Variants in XPO4 observed in about 807,000 individuals in gnomAD.
The protein encoded by XPO4 is exportin-4.
In XPO4, 39 loss-of-function variants were observed where a neutral mutation model predicts 143.0. The observed-to-expected ratio is 0.27, with a 90% confidence interval of 0.21 to 0.36. XPO4 has a LOEUF of 0.36. XPO4 is among the 10% of genes least tolerant of loss of function. XPO4 has a pLI of 1.00. For missense variants in XPO4, 907 were observed against 1,348.0 expected (o/e 0.67, Z 5.12); for synonymous variants, 439 against 474.0 (o/e 0.93, Z 0.96).
In XPO4 at chr13:20,870,089, C is replaced by CAAAAAA. The variant is rs59710121; in HGVS notation, c.70-1394_70-1389dup. Among the ~76,000 whole-genome samples, 83 of 98,806 alleles carry CAAAAAA rather than the reference C, an allele frequency of 8.4e-4. 1 individual carries two copies. The highest frequency in any genetic ancestry group is 5.7e-3 in the South Asian group (15 of 2,624). The allele number at this position is 98,806 out of a possible 152,430, so 64.8% of individuals were successfully genotyped here. A position where few individuals can be genotyped will look rare whatever the true frequency, so the allele number is the denominator to read the frequency against. On this transcript the variant is annotated intron_variant, in intron 1 of 22. Transcript: ENST00000255305. ...CACTCTAGCCTGGGTGAAGGAGTCT[C>CAAAAAA]AAAAAAAAAAAAAAAAAAGAATTGT...
intron 14 of XPO4, 148 bp from the exon 15 acceptor site, chr13:20,800,473 T>C: frequency 1.3e-6 from 1 of 756,570 alleles, no homozygotes; most frequent in African/African-American, 1.8e-5. Flanking sequence ...TTTCCACTGG[T>C]CAAAAAAAAA....
At chr13:20,799,831 T>C (rs1484470624) in intron 15 of XPO4, among the ~76,000 whole-genome samples, 2 of 152,220 alleles carry the variant, frequency 1.3e-5, no homozygotes, top group African/African-American at 2.4e-5. Context: ...ATCTTTAAAA[T>C]GGGGATGTCT....
chr13:20,877,767 T>G (rs181980893), intron 1 of XPO4, among the ~76,000 whole-genome samples: 1 of 152,236 alleles, frequency 6.6e-6, no homozygotes, highest in South Asian at 2.1e-4. Context: ...CAATGAACAA[T>G]AGGCTAGACA....
intron 1 of XPO4, among the ~76,000 whole-genome samples, chr13:20,896,496 T>C (rs1327006601): frequency 2.0e-5 from 3 of 152,234 alleles, no homozygotes; most frequent in African/African-American, 7.2e-5. Flanking sequence ...AGTTTTTCTT[T>C]CTAACAGAAT....
chr13:20,902,599 G>T, intron 1 of XPO4, 71 bp downstream of exon 1: 1 of 1,452,608 alleles, frequency 6.9e-7, no homozygotes, highest in Non-Finnish European at 9.1e-7. Flanking sequence ...CCAGCGAGCA[G>T]CAAGGCCTGG....
intron 3 of XPO4, chr13:20,856,311 T>C: frequency 1.0e-6 from 1 of 984,876 alleles, no homozygotes. Flanking sequence ...AACATAAAAT[T>C]GTAAAACACA....
chr13:20,813,522 T>A (rs1248924821), intron 9 of XPO4, among the ~76,000 whole-genome samples: 1 of 152,208 alleles, frequency 6.6e-6, no homozygotes. Context: ...TAAATGTTGG[T>A]GAGAACATGG....
intron 9 of XPO4, among the ~76,000 whole-genome samples, chr13:20,818,122 A>G (rs1375302709): frequency 1.3e-5 from 2 of 152,262 alleles, no homozygotes; most frequent in East Asian, 3.9e-4. Flanking sequence ...TTTCATCTCC[A>G]CATTCATTCT....
rs2059099878 is a variant in XPO4 at position 20,777,331 on chromosome 13, A to C, written c.*6391T>G. 1 of 152,216 alleles carries C rather than the reference A, an allele frequency of 6.6e-6. No homozygotes were observed. Among genetic ancestry groups the C allele is most frequent in the African/African-American group, 2.4e-5 (1 of 41,462 alleles). The allele number at this position is 152,216 out of a possible 1,614,324, so 9.4% of individuals were successfully genotyped here. On this transcript the variant is annotated 3_prime_UTR_variant, in exon 23 of 23. Coordinates refer to ENST00000255305, the MANE Select transcript of XPO4 (RefSeq NM_022459.5). ...GAAATGAAATCTGTTTTCAGAAATA[A>C]TCTTTAAATACAATGGAATTTATTG...
At chr13:20,848,216 T>C in intron 4 of XPO4, 2 of 975,926 alleles carry the variant, frequency 2.0e-6, no homozygotes, top group Non-Finnish European at 2.4e-6. Flanking sequence ...CCAAATAAAA[T>C]TTATTAAAAT....
rs1355249982 is a variant in XPO4, at chr13:20,800,923, G to T, written c.1885C>A (p.Leu629Ile). 2 of 1,614,046 alleles carry T rather than the reference G, an allele frequency of 1.2e-6. No homozygotes were observed. Among genetic ancestry groups the T allele is most frequent in the Non-Finnish European group, 1.7e-6 (2 of 1,179,968 alleles). ...SRAIRADLTHLLSPQMGKDIV... is the reference protein window; with the variant it reads ...SRAIRADLTHILSPQMGKDIV... ...TCTTTGCCCATCTGGGGACTTAGTAGATGAGTGAGATCTGCTCTTATTGCT... is the reference window on the plus strand; with the variant it reads ...TCTTTGCCCATCTGGGGACTTAGTATATGAGTGAGATCTGCTCTTATTGCT... Residue 629 changes from leucine to isoleucine, a missense_variant, in exon 14 of 23, where the codon CTA becomes ATA. By Grantham distance (5) the Leu-to-Ile change is conservative (BLOSUM62 2). Transcript: ENST00000255305.
chr13:20,823,898 G>A (rs911999671), intron 7 of XPO4, among the ~76,000 whole-genome samples: 25 of 152,004 alleles, frequency 1.6e-4, no homozygotes, highest in Non-Finnish European at 2.8e-4. Context: ...GTGATCCACC[G>A]GCCTTGGCCT....
At chr13:20,900,617 CTTT>C (rs71090516) in intron 1 of XPO4, among the ~76,000 whole-genome samples, 1 of 144,570 alleles carries the variant, frequency 6.9e-6, no homozygotes. Flanking sequence ...AAGTCATTTC[CTTT>C]TTTTTTTTTT....
chr13:20,874,993 C>CA (rs34206891), intron 1 of XPO4, among the ~76,000 whole-genome samples: 55,144 of 149,928 alleles, frequency 0.37, 11,470 homozygotes, highest in Non-Finnish European at 0.48. Context: ...GACTCCGTCT[C>CA]AAAAAAAAAA....
intron 6 of XPO4, among the ~76,000 whole-genome samples, chr13:20,841,129 C>T (rs1248238429): frequency 3.3e-5 from 5 of 152,106 alleles, no homozygotes; most frequent in Admixed American, 6.5e-5. Flanking sequence ...TGCAGTGTAA[C>T]TTTTGTTGAT....
At chr13:20,859,476 T>G (rs931888926) in intron 3 of XPO4, among the ~76,000 whole-genome samples, 9 of 152,144 alleles carry the variant, frequency 5.9e-5, no homozygotes, top group African/African-American at 2.2e-4. Flanking sequence ...GGTGGGCACC[T>G]GTAGTCCCAG....
chr13:20,860,746 T>C (rs547562849), intron 3 of XPO4, among the ~76,000 whole-genome samples: 1 of 152,262 alleles, frequency 6.6e-6, no homozygotes, highest in African/African-American at 2.4e-5. Flanking sequence ...CAATCCAGCA[T>C]GACAGAGAAA....
chr13:20,825,586 A>C (rs1208423831), intron 7 of XPO4, among the ~76,000 whole-genome samples: 1 of 152,226 alleles, frequency 6.6e-6, no homozygotes. Flanking sequence ...TTGTCTAGAC[A>C]GCTGTTCAGA....
intron 1 of XPO4, among the ~76,000 whole-genome samples, chr13:20,870,450 T>G (rs1266844022): frequency 1.3e-5 from 2 of 150,058 alleles, no homozygotes; most frequent in Non-Finnish European, 3.0e-5. Flanking sequence ...AAAAAAAAAT[T>G]TACTAATAAA....
Sources: allele counts gnomAD v4.1 joint callset (sites outside exome capture counted in the v4.1 genomes callset), GRCh38; gene constraint gnomAD v4.1.1; transcripts MANE v1.5; gene names NCBI Gene and HGNC (gene_info 2026-07-23, HGNC 2026-07-21).